FOXJ2: variants seen among roughly 807,000 people sequenced by gnomAD.
FOXJ2 encodes the protein forkhead box J2.
FOXJ2 carries 18 observed loss-of-function variants against 68.4 expected under a neutral mutation model. The ratio of observed to expected loss-of-function variants is 0.26; its 90% CI spans 0.18 to 0.39. FOXJ2 has a LOEUF of 0.39. Ranked by LOEUF, FOXJ2 falls within the 10% of genes least tolerant of loss-of-function variation. FOXJ2 has a pLI of 1.00. For missense variants in FOXJ2, 670 were observed against 726.5 expected (o/e 0.92, Z 0.89); for synonymous variants, 274 against 263.2 (o/e 1.04, Z -0.40).
chr12:8,050,988 C>T (rs1458193137), intron 10 of FOXJ2, among the ~76,000 whole-genome samples: 1 of 120,272 alleles, frequency 8.3e-6, no homozygotes, highest in Admixed American at 8.3e-5. Flanking sequence ...TTCCCTTCCC[C>T]TTCCCTTCCC....
chr12:8,043,477 C>G (rs1198435417), intron 3 of FOXJ2, among the ~76,000 whole-genome samples: 1 of 152,098 alleles, frequency 6.6e-6, no homozygotes, highest in Non-Finnish European at 1.5e-5. Flanking sequence ...TGCCTCAGGT[C>G]AGAAGGGAAG....
At position 8,040,884 on chromosome 12, in the gene FOXJ2, GCA is replaced by G. The variant is rs775910043; in HGVS notation, c.333+722_333+723del. On this transcript the variant is annotated intron_variant, in intron 2 of 10. Coordinates refer to ENST00000162391, the MANE Select transcript of FOXJ2 (RefSeq NM_018416.3). The surrounding 1 kb of genome is among the most constrained non-coding windows in gnomAD (Gnocchi z 4.0). ...AGCATCAGATTTCCATAGCTCCATT[GCA>G]CAGTCATCATCTTTTGAAAAGCTGC... Among the ~76,000 whole-genome samples, 134 of 152,242 alleles carry G rather than the reference GCA, an allele frequency of 8.8e-4. 1 individual carries two copies. The highest frequency in any genetic ancestry group is 2.2e-3 in the Admixed American group (34 of 15,292).
chr12:8,042,684 C>G lies in FOXJ2; in HGVS notation c.360C>G (p.Leu120=). The change falls in exon 3 of 11, where the codon CTC becomes CTG. Residue 120 remains leucine (L), a synonymous_variant. Transcript: ENST00000162391. ...ATTCAATACGGCACAACCTTTCTCT[C>G]AACAAGTGTTTCCGGAAGGTGCCCA... ...WKNSIRHNLS[L]NKCFRKVPRP... is the part of the protein sequence containing the mutation. 6.2e-7 allele frequency: 1 copy of G among 1,614,162 alleles called. No individual in the cohort carries two copies. Among genetic ancestry groups the G allele is most frequent in the Non-Finnish European group, 8.5e-7 (1 of 1,180,022 alleles).
intron 3 of FOXJ2, among the ~76,000 whole-genome samples, chr12:8,043,229 A>AC (rs1946988787): frequency 6.6e-6 from 1 of 151,738 alleles, no homozygotes; most frequent in African/African-American, 2.4e-5. Context: ...AAAAAAAAAA[A>AC]AAAAAAAAAG....
intron 2 of FOXJ2, 133 bp from the exon 3 acceptor site, chr12:8,042,525 A>G (rs1319612730): frequency 4.5e-6 from 3 of 660,070 alleles, no homozygotes; most frequent in Non-Finnish European, 8.1e-6. Context: ...GGTGTAGTTA[A>G]GAGGTACTGA....
intron 9 of FOXJ2, 48 bp downstream of exon 9, chr12:8,049,619 G>A: frequency 6.7e-7 from 1 of 1,486,572 alleles, no homozygotes; most frequent in Non-Finnish European, 9.0e-7. Flanking sequence ...ATGTTGAAAA[G>A]GAAGCATAGG....
rs1328867594 is a variant in FOXJ2 at position 8,053,558 on chromosome 12, T to C, written c.*708T>C. ...TTGGAAGGGATGGAATATAAGTCAG[T>C]GTGAAACTGAGTATACACTGCCATG... On this transcript the variant is annotated 3_prime_UTR_variant, in exon 11 of 11. Transcript: ENST00000162391. The surrounding 1 kb of genome is among the most constrained non-coding windows in gnomAD (Gnocchi z 4.1). The C allele has an allele frequency of 1.3e-5, 2 of 152,622 alleles. No individual in the cohort carries two copies. Among genetic ancestry groups the C allele is most frequent in the Non-Finnish European group, 2.9e-5 (2 of 68,046 alleles). The allele number at this position is 152,622 out of a possible 1,614,324, so 9.5% of individuals were successfully genotyped here.
At chr12:8,050,291 T>G in intron 9 of FOXJ2, 3 of 1,264,328 alleles carry the variant, frequency 2.4e-6, no homozygotes, top group Non-Finnish European at 3.0e-6. Flanking sequence ...TTTCTATATT[T>G]TTCTTCCTTA....
chr12:8,048,056 G>C lies in FOXJ2; in HGVS notation c.992G>C (p.Gly331Ala), dbSNP rs935420078. The change falls in exon 7 of 11, where the codon GGG (glycine) becomes GCG (alanine). Residue 331 changes from glycine (G) to alanine (A), a missense_variant. Gly to Ala is a moderately conservative substitution (Grantham distance 60). This residue lies in a region of FOXJ2 where 555 missense variants were observed against 562.2 expected (regional missense o/e 0.99). Transcript: ENST00000162391. ...QAPAQGPSAV[G>A]GAPPLHTPST... ...CCTGCCCAGGGCCCCTCAGCTGTAG[G>C]GGGTGCTCCTCCACTGCACACCCCA... 3 of 1,612,878 alleles carry C rather than the reference G, an allele frequency of 1.9e-6. No individual in the cohort carries two copies. Among genetic ancestry groups the C allele is most frequent in the African/African-American group, 1.3e-5 (1 of 74,906 alleles).
intron 10 of FOXJ2, among the ~76,000 whole-genome samples, chr12:8,051,489 CA>C (rs1251642764): frequency 1.1e-4 from 17 of 152,134 alleles, no homozygotes; most frequent in African/African-American, 3.9e-4. Flanking sequence ...TACATATAAG[CA>C]AAAGATAGCT....
intron 8 of FOXJ2, 45 bp downstream of exon 8, chr12:8,048,843 G>GAA: frequency 6.5e-7 from 1 of 1,533,378 alleles, no homozygotes; most frequent in South Asian, 1.1e-5. Flanking sequence ...CACTGTAAGG[G>GAA]AAAACCCAGT....
Position 8,039,986 on chromosome 12 carries a change from G to T in FOXJ2, c.154G>T (p.Ala52Ser). The change falls in exon 2 of 11, where the codon GCC (alanine) becomes TCC (serine). Residue 52 changes from alanine to serine, a missense_variant. This residue lies in a region of FOXJ2 where 115 missense variants were observed against 164.3 expected (regional missense o/e 0.70). Coordinates refer to ENST00000162391, the MANE Select transcript of FOXJ2 (RefSeq NM_018416.3). ...CSPGSPTDPNATLSKDEAAVH... is the reference protein window; with the variant it reads ...CSPGSPTDPNSTLSKDEAAVH... ...ACCAGGGTCACCCACAGATCCTAAT[G>T]CCACCCTGAGCAAAGACGAGGCAGC... 1 of 1,614,064 alleles carries T rather than the reference G, an allele frequency of 6.2e-7. No individual in the cohort carries two copies. Among genetic ancestry groups the T allele is most frequent in the Non-Finnish European group, 8.5e-7 (1 of 1,180,004 alleles).
At chr12:8,043,584 A>T in intron 3 of FOXJ2, 117 bp from the exon 4 acceptor site, 1 of 960,990 alleles carries the variant, frequency 1.0e-6, no homozygotes. Context: ...CCACAGGATT[A>T]CCTCTGGCAT....
rs748853636 is a variant in FOXJ2, at chr12:8,036,849, G to A, written c.-14-2970G>A. On this transcript the variant is annotated intron_variant, in intron 1 of 10. Transcript: ENST00000162391. ...CACACCTGTAATCCCAGCACTTTGG[G>A]AGACCGAGATGGGTAGATCACCTGA... Among the ~76,000 whole-genome samples the A allele has an allele frequency of 3.6e-4, 54 of 149,478 alleles. 1 individual carries two copies. The highest frequency in any genetic ancestry group is 3.4e-3 in the Middle Eastern group (1 of 294).
chr12:8,037,107 C>T (rs1946907632), intron 1 of FOXJ2, among the ~76,000 whole-genome samples: 1 of 151,994 alleles, frequency 6.6e-6, no homozygotes, highest in Admixed American at 6.6e-5. Flanking sequence ...CAAAACAAAA[C>T]AAAACAAAAA....
chr12:8,047,809 C>G, intron 6 of FOXJ2, 73 bp from the exon 7 acceptor site: 1 of 1,511,678 alleles, frequency 6.6e-7, no homozygotes, highest in Non-Finnish European at 8.9e-7. Flanking sequence ...CTTCCCATCT[C>G]AACCCAGGGA....
intron 6 of FOXJ2, among the ~76,000 whole-genome samples, chr12:8,046,766 G>A (rs1206340568): frequency 1.3e-5 from 2 of 152,200 alleles, no homozygotes; most frequent in African/African-American, 4.8e-5. Context: ...GTTGGCAGCA[G>A]GGGCTGAATG....
Position 8,044,010 on chromosome 12 carries a change from G to A in FOXJ2, c.537G>A (p.Gly179=). Residue 179 remains glycine, a synonymous_variant, in exon 5 of 11, where the codon GGG becomes GGA. Transcript: ENST00000162391. ...ASKSPRGGVA[G]SGEASLPPEG... ...AGAGCCCACGGGGAGGCGTTGCAGG[G>A]AGTGGAGAAGCCTCACTGCCTCCTG... The A allele has an allele frequency of 6.3e-7, 1 of 1,590,850 alleles. No homozygotes were observed. Among genetic ancestry groups the A allele is most frequent in the Non-Finnish European group, 8.6e-7 (1 of 1,169,356 alleles).
At chr12:8,042,781 A>C (rs1164420908) in intron 3 of FOXJ2, 49 bp downstream of exon 3, 2 of 1,451,336 alleles carry the variant, frequency 1.4e-6, no homozygotes, top group Non-Finnish European at 1.9e-6. Context: ...AGGAGAGTGA[A>C]GTAGTTGACA....
Sources: gnomAD v4.1 joint callset for allele counts (sites outside exome capture counted in the v4.1 genomes callset) on GRCh38, gnomAD v4.1.1 for gene constraint, gnomAD v4.1.1 regional missense constraint, Gnocchi (gnomAD v3.1) non-coding constraint, MANE v1.5 for transcripts, NCBI Gene and HGNC (gene_info 2026-07-23, HGNC 2026-07-21) for gene names.